The following COL22A1 variants were observed in gnomAD, a reference collection of about 807,000 sequenced individuals.
COL22A1 encodes collagen alpha-1(XXII) chain.
COL22A1 carries 221 observed loss-of-function variants against 248.9 expected under a neutral mutation model. That is an observed-to-expected ratio of 0.89 (90% CI 0.80 to 0.99). The LOEUF (loss-of-function observed/expected upper bound fraction) is 0.99. Among genes scored for constraint, COL22A1 ranks in the 50% least tolerant of loss-of-function variants. The probability of loss-of-function intolerance (pLI) is 0.00; values close to 1 mark genes in which losing one functional copy is unlikely to be tolerated. For synonymous variants in COL22A1, 891 were observed against 793.4 expected (o/e 1.12, Z -2.07); for missense variants, 2,240 against 2,179.0 (o/e 1.03, Z -0.56).
At chr8:138,850,671 C>CA (rs892342766) in intron 3 of COL22A1, among the ~76,000 whole-genome samples, 5 of 152,112 alleles carry the variant, frequency 3.3e-5, no homozygotes, top group African/African-American at 4.8e-5. Context: ...ACAGAGAAGC[C>CA]AAAAAAGGAC....
intron 17 of COL22A1, 144 bp downstream of exon 17, chr8:138,762,269 C>A (rs6577947): frequency 0.62 from 451,838 of 728,806 alleles, 143,872 homozygotes; most frequent in East Asian, 0.8. Flanking sequence ...CAGCCGGGGT[C>A]TGGTCCTAAG....
Position 138,589,359 on chromosome 8 carries a change from T to C in COL22A1, c.4775A>G (p.His1592Arg). Reference sequence around the variant, plus strand: ...ACCGGGAGGTCCTGGGAGGCCAGGATGTCCAGCTGGTCCTGTCTCCCCTTG... The same window carrying C: ...ACCGGGAGGTCCTGGGAGGCCAGGACGTCCAGCTGGTCCTGTCTCCCCTTG... ...GPQGETGPAGHPGLPGPPGPP... is the reference protein window; with the variant it reads ...GPQGETGPAGRPGLPGPPGPP... Residue 1592 changes from histidine to arginine, a missense_variant, in exon 65 of 65, where the codon CAT becomes CGT. By Grantham distance (29) the His-to-Arg change is conservative. Coordinates refer to ENST00000303045, the MANE Select transcript of COL22A1 (RefSeq NM_152888.3). 1.9e-6 allele frequency: 3 copies of C among 1,611,446 alleles called. No homozygotes were observed. Among genetic ancestry groups the C allele is most frequent in the Non-Finnish European group, 2.5e-6 (3 of 1,178,798 alleles).
At chr8:138,913,331 T>C (rs543920909) in intron 1 of COL22A1, among the ~76,000 whole-genome samples, 1 of 152,298 alleles carries the variant, frequency 6.6e-6, no homozygotes, top group South Asian at 2.1e-4. Context: ...ATCGCTGAGC[T>C]CCTCGCTGCT....
At chr8:138,854,861 G>A (rs1821901631) in intron 3 of COL22A1, among the ~76,000 whole-genome samples, 1 of 152,104 alleles carries the variant, frequency 6.6e-6, no homozygotes, top group African/African-American at 2.4e-5. Flanking sequence ...TGTGGATGAG[G>A]TGGTGCTGAT....
intron 1 of COL22A1, among the ~76,000 whole-genome samples, chr8:138,903,926 G>GGATCC (rs1267017707): frequency 6.6e-6 from 1 of 152,090 alleles, no homozygotes; most frequent in Non-Finnish European, 1.5e-5. Flanking sequence ...AGTGTGTGGG[G>GGATCC]GATCCTGATG....
intron 58 of COL22A1, 146 bp from the exon 59 acceptor site, chr8:138,604,915 C>G (rs764231717): frequency 4.4e-4 from 345 of 792,124 alleles, no homozygotes; most frequent in Non-Finnish European, 5.6e-4. Flanking sequence ...ACATCCCAGA[C>G]AGGCTCTCTG....
Position 138,716,822 on chromosome 8 carries a change from G to T in COL22A1, c.2400+3C>A. On this transcript the variant is annotated splice_donor_region_variant and intron_variant, in intron 28 of 64. Transcript: ENST00000303045. ...GAATGAATAAAAGCACAAACAAACA[G>T]ACCTTCTCTCCAGGTCGGCCTGCCA... 6.2e-7 allele frequency: 1 copy of T among 1,605,218 alleles called. No individual in the cohort carries two copies. Among genetic ancestry groups the T allele is most frequent in the Non-Finnish European group, 8.5e-7 (1 of 1,172,014 alleles).
At chr8:138,650,225 C>T (rs755700628) in intron 45 of COL22A1, among the ~76,000 whole-genome samples, 5 of 152,150 alleles carry the variant, frequency 3.3e-5, no homozygotes, top group South Asian at 2.1e-4. Flanking sequence ...TGCATTTGCC[C>T]GTCAAGTGGT....
intron 4 of COL22A1, among the ~76,000 whole-genome samples, chr8:138,837,862 G>A (rs1335887703): frequency 6.6e-6 from 1 of 152,166 alleles, no homozygotes; most frequent in Admixed American, 6.5e-5. Context: ...GCCCATTCTA[G>A]GTTCAAAACC....
At chr8:138,621,934 T>C (rs1819841795) in intron 52 of COL22A1, among the ~76,000 whole-genome samples, 1 of 152,186 alleles carries the variant, frequency 6.6e-6, no homozygotes. Flanking sequence ...CGTTGAGACT[T>C]TTCAATTTGC....
chr8:138,660,523 C>T (rs753831135), intron 43 of COL22A1, 43 bp from the exon 44 acceptor site: 38 of 1,565,306 alleles, frequency 2.4e-5, no homozygotes, highest in East Asian at 6.7e-5. Flanking sequence ...GATAAGCACA[C>T]GATCCTGACC....
At chr8:138,828,296 T>C (rs979231960) in intron 5 of COL22A1, among the ~76,000 whole-genome samples, 1 of 152,012 alleles carries the variant, frequency 6.6e-6, no homozygotes, top group African/African-American at 2.4e-5. Flanking sequence ...CCAAGCCTTG[T>C]AGGAATCTGA....
At chr8:138,876,934 C>T (rs1371833383) in intron 3 of COL22A1, among the ~76,000 whole-genome samples, 1 of 152,248 alleles carries the variant, frequency 6.6e-6, no homozygotes, top group Non-Finnish European at 1.5e-5. Flanking sequence ...TGGAGAAGGA[C>T]AAATGTCACC....
chr8:138,694,769 G>A, intron 33 of COL22A1, 57 bp downstream of exon 33: 1 of 1,589,954 alleles, frequency 6.3e-7, no homozygotes, highest in Non-Finnish European at 8.6e-7. Context: ...GTCAGCCTTT[G>A]GAGTCCGGGT....
chr8:138,896,958 G>C (rs1825458878), intron 1 of COL22A1, among the ~76,000 whole-genome samples: 1 of 139,418 alleles, frequency 7.2e-6, no homozygotes, highest in Admixed American at 7.9e-5. Flanking sequence ...GGGTGACAGA[G>C]AGAGACTCTT....
intron 3 of COL22A1, among the ~76,000 whole-genome samples, chr8:138,864,658 G>T (rs1348677721): frequency 6.6e-6 from 1 of 152,160 alleles, no homozygotes; most frequent in Non-Finnish European, 1.5e-5. Flanking sequence ...CTTGCCCTAG[G>T]CTGCTCTGGT....
chr8:138,899,984 T>C (rs1197494798), intron 1 of COL22A1, among the ~76,000 whole-genome samples: 2 of 152,230 alleles, frequency 1.3e-5, no homozygotes, highest in African/African-American at 4.8e-5. Flanking sequence ...GGTATGATGA[T>C]GCAGATGATA....
At chr8:138,668,075 C>G (rs922062173) in intron 41 of COL22A1, among the ~76,000 whole-genome samples, 1 of 151,890 alleles carries the variant, frequency 6.6e-6, no homozygotes, top group Admixed American at 6.6e-5. Context: ...ACAAAAAACA[C>G]AGAAGCGTGA....
intron 46 of COL22A1, among the ~76,000 whole-genome samples, chr8:138,648,203 G>A (rs1822377086): frequency 1.3e-5 from 2 of 152,178 alleles, no homozygotes; most frequent in South Asian, 4.1e-4. Flanking sequence ...GTTCCTTCCA[G>A]GGTTCCAGAG....
Sources: gnomAD v4.1 joint callset for allele counts (sites outside exome capture counted in the v4.1 genomes callset) on GRCh38, gnomAD v4.1.1 for gene constraint, MANE v1.5 for transcripts, NCBI Gene and HGNC (gene_info 2026-07-23, HGNC 2026-07-21) for gene names.